Variants in RNF166 observed in about 807,000 individuals in gnomAD.
RNF166 encodes ring finger protein 166.
Under a neutral mutation model 29.4 loss-of-function variants are expected in RNF166, and 19 were observed. The ratio of observed to expected loss-of-function variants is 0.65; its 90% CI spans 0.45 to 0.95. RNF166 has a LOEUF of 0.95. Among genes scored for constraint, RNF166 ranks in the 40% least tolerant of loss-of-function variants. The pLI is 0.00. For synonymous variants in RNF166, 171 were observed against 134.5 expected, an observed-to-expected ratio of 1.27 and a Z score of -1.88; for missense variants, 347 against 322.1, an observed-to-expected ratio of 1.08 and a Z score of -0.59.
rs1309481901 is a variant in RNF166 at position 88,698,575 on chromosome 16, TC to T, written c.574del (p.Asp192ThrfsTer79). ...GAAGTTGGCGCTCTTGTAGCTGGGG[TC>T]CCCCCAGGGCATTGCCGAGCAGATG... ...CPICSAMPWG[D>X]PSYKSANFLQ... On this transcript the variant is annotated frameshift_variant, in exon 5 of 6. Transcript: ENST00000312838. LOFTEE classifies it high-confidence loss of function. 1 of 1,559,442 alleles carries T rather than the reference TC, an allele frequency of 6.4e-7. No individual in the cohort carries two copies. Among genetic ancestry groups the T allele is most frequent in the Non-Finnish European group, 8.7e-7 (1 of 1,152,204 alleles).
At chr16:88,698,683 T>C in intron 4 of RNF166, 74 bp from the exon 5 acceptor site, 1 of 1,152,806 alleles carries the variant, frequency 8.7e-7, no homozygotes, top group South Asian at 1.6e-5. Flanking sequence ...CTGGGGGCCC[T>C]CCACTGAGCC....
intron 1 of RNF166, chr16:88,704,584 C>A (rs1460570585): frequency 5.1e-6 from 5 of 985,128 alleles, no homozygotes; most frequent in African/African-American, 1.7e-5. Flanking sequence ...GTGTTGGCAC[C>A]CAAAGCCTAC....
chr16:88,698,336 C>A (rs1429401453), intron 5 of RNF166, 166 bp downstream of exon 5: 1 of 720,606 alleles, frequency 1.4e-6, no homozygotes, highest in African/African-American at 1.7e-5. Context: ...CACTCCCCAC[C>A]TGCAGGCAGC....
At chr16:88,703,311 C>A in intron 1 of RNF166, 3 of 985,400 alleles carry the variant, frequency 3.0e-6, no homozygotes, top group Non-Finnish European at 3.6e-6. Context: ...CTGAGTGAAC[C>A]CTGAGCTGCC....
chr16:88,698,749 G>C, intron 4 of RNF166, 140 bp from the exon 5 acceptor site: 1 of 682,638 alleles, frequency 1.5e-6, no homozygotes. Context: ...CGCGTGTCCC[G>C]GTGACAAGCG....
rs907740253 is a variant in RNF166 at position 88,703,134 on chromosome 16, C to T, written c.156-1716G>A. 27 of 985,510 alleles carry T rather than the reference C, an allele frequency of 2.7e-5. No individual in the cohort carries two copies. In the East Asian group the frequency reaches 6.8e-4, roughly 25 times the overall value. The allele number at this position is 985,510 out of a possible 1,614,324, so 61.0% of individuals were successfully genotyped here. ...CACCCGTGTCGTGGGGGTCCACTCACGCTCAACGTCCAGCAGAGAGAAACC... is the reference window on the plus strand; with the variant it reads ...CACCCGTGTCGTGGGGGTCCACTCATGCTCAACGTCCAGCAGAGAGAAACC... On this transcript the variant is annotated intron_variant, in intron 1 of 5. Coordinates refer to ENST00000312838, the MANE Select transcript of RNF166 (RefSeq NM_178841.4).
chr16:88,698,335 C>A lies in RNF166; in HGVS notation c.648+167G>T, dbSNP rs563611907. On this transcript the variant is annotated intron_variant, in intron 5 of 5. Coordinates refer to ENST00000312838, the MANE Select transcript of RNF166 (RefSeq NM_178841.4). The stretch of plus-strand genomic sequence containing the variant: ...CAAACTCAGCTGCCATCACTCCCCA[C>A]CTGCAGGCAGCCCCCACAGAACCTG... The A allele has an allele frequency of 1.2e-4, 85 of 719,678 alleles. No individual in the cohort carries two copies. In the African/African-American group the frequency reaches 1.3e-3, roughly 11 times the overall value. 44.6% of individuals were successfully genotyped at this position (719,678 alleles called of 1,614,324 possible).
At chr16:88,700,321 A>G (rs1199531618) in intron 2 of RNF166, among the ~76,000 whole-genome samples, 1 of 152,184 alleles carries the variant, frequency 6.6e-6, no homozygotes, top group Non-Finnish European at 1.5e-5. Context: ...CTGAAGACCC[A>G]GATTAGAGAA....
Position 88,699,103 on chromosome 16 carries a change from G to C in RNF166, c.426-18C>G, listed in dbSNP as rs374108814. The C allele has an allele frequency of 6.3e-5, 97 of 1,537,566 alleles. No individual in the cohort carries two copies. The highest frequency in any genetic ancestry group is 1.2e-4 in the Admixed American group (7 of 56,118). On this transcript the variant is annotated intron_variant, in intron 3 of 5. Coordinates refer to ENST00000312838, the MANE Select transcript of RNF166 (RefSeq NM_178841.4). ...GGATGTTGCTGGCGGGGCGGGGGTA[G>C]AGTGAGTGGCACGGCTAGGTGTCTA...
In RNF166 at chr16:88,697,442, C is replaced by T; in HGVS notation, c.*126G>A. ...CGGAGGCTCGGCCCCGGCTCCCCTT[C>T]TGCGCGGGTGCAGGCTCCTCCTGTG... On this transcript the variant is annotated 3_prime_UTR_variant, in exon 6 of 6. Transcript: ENST00000312838. 1.5e-6 allele frequency: 1 copy of T among 689,342 alleles called. No individual in the cohort carries two copies. The highest frequency in any genetic ancestry group is 2.5e-6 in the Non-Finnish European group (1 of 407,638). The allele number at this position is 689,342 out of a possible 1,614,324, so 42.7% of individuals were successfully genotyped here. A position where few individuals can be genotyped will look rare whatever the true frequency, so the allele number is the denominator to read the frequency against.
At chr16:88,705,171 G>T (rs1910654172) in intron 1 of RNF166, among the ~76,000 whole-genome samples, 1 of 152,190 alleles carries the variant, frequency 6.6e-6, no homozygotes, top group African/African-American at 2.4e-5. Flanking sequence ...CCTGACACTG[G>T]CCCTGCCACC....
chr16:88,700,562 A>G, intron 2 of RNF166: 1 of 969,498 alleles, frequency 1.0e-6, no homozygotes, highest in Non-Finnish European at 1.2e-6. Context: ...TGAGCGCTTC[A>G]TAGAACTTAT....
chr16:88,702,010 C>T lies in RNF166; in HGVS notation c.156-592G>A, dbSNP rs147852577. Among the ~76,000 whole-genome samples the T allele has an allele frequency of 2.2e-3, 331 of 152,264 alleles. 1 individual carries two copies. The highest frequency in any genetic ancestry group is 7.5e-3 in the African/African-American group (310 of 41,532). ...AGGAGGGGGTCCTGCTCCATCTGGG[C>T]GGAGGCTCGGGTCCTGGGCACCCAT... is the stretch of plus-strand genomic sequence containing the variant. On this transcript the variant is annotated intron_variant, in intron 1 of 5. Coordinates refer to ENST00000312838, the MANE Select transcript of RNF166 (RefSeq NM_178841.4).
At chr16:88,702,927 C>T in intron 1 of RNF166, 3 of 985,522 alleles carry the variant, frequency 3.0e-6, no homozygotes, top group Non-Finnish European at 3.6e-6. Context: ...TCAGGGGACC[C>T]CCATACTCAG....
At chr16:88,706,080 C>T (rs1910766734) in intron 1 of RNF166, 91 bp downstream of exon 1, 3 of 885,874 alleles carry the variant, frequency 3.4e-6, no homozygotes, top group African/African-American at 3.6e-5. Flanking sequence ...GCGCCCAGTC[C>T]GGAGCTGCAC....
intron 2 of RNF166, 133 bp downstream of exon 2, chr16:88,701,129 G>A: frequency 1.5e-6 from 2 of 1,294,842 alleles, no homozygotes; most frequent in South Asian, 1.4e-5. Flanking sequence ...CTGGCTTCCT[G>A]GTGCAGGAGC....
intron 3 of RNF166, 47 bp from the exon 4 acceptor site, chr16:88,699,132 G>A (rs1453659834): frequency 7.8e-7 from 1 of 1,284,060 alleles, no homozygotes; most frequent in Non-Finnish European, 1.1e-6. Context: ...GTGTCTAGGG[G>A]CTCTGCCTCC....
intron 1 of RNF166, among the ~76,000 whole-genome samples, chr16:88,702,617 C>T (rs1159261385): frequency 2.6e-5 from 4 of 152,218 alleles, no homozygotes; most frequent in East Asian, 3.9e-4. Flanking sequence ...GTCCCCCAGG[C>T]CCTCTTTGCC....
At position 88,697,558 on chromosome 16, in the gene RNF166, G is replaced by A. The variant is rs1909752484; in HGVS notation, c.*10C>T. 1 of 1,547,952 alleles carries A rather than the reference G, an allele frequency of 6.5e-7. No homozygotes were observed. The highest frequency in any genetic ancestry group is 8.7e-7 in the Non-Finnish European group (1 of 1,145,088). ...TGACCCCAGACGCAGGCGGGTGGCT[G>A]CGCTTCCCTTCAGTTCTCAGAGAGA... On this transcript the variant is annotated 3_prime_UTR_variant, in exon 6 of 6. Transcript: ENST00000312838.
Sources: gnomAD v4.1 joint callset for allele counts (sites outside exome capture counted in the v4.1 genomes callset) on GRCh38, gnomAD v4.1.1 for gene constraint, MANE v1.5 for transcripts, NCBI Gene and HGNC (gene_info 2026-07-23, HGNC 2026-07-21) for gene names.